The following TCEA1 variants were observed in gnomAD, a reference collection of about 807,000 sequenced individuals.
TCEA1 encodes the protein transcription elongation factor A protein 1.
Under a neutral mutation model 43.8 loss-of-function variants are expected in TCEA1, and 21 were observed. The observed-to-expected ratio is 0.48, with a 90% CI of 0.34 to 0.69. The LOEUF (loss-of-function observed/expected upper bound fraction) is 0.69. Ranked by LOEUF, TCEA1 falls within the 30% of genes least tolerant of loss-of-function variation. The pLI, the probability that TCEA1 is intolerant of heterozygous loss-of-function variation, is 0.01. For synonymous variants in TCEA1, 104 were observed against 117.5 expected (o/e 0.88, Z 0.75); for missense variants, 250 against 365.1 (o/e 0.68, Z 2.57).
At chr8:54,000,248 A>T (rs1489197398) in intron 2 of TCEA1, among the ~76,000 whole-genome samples, 198 bp from the exon 3 acceptor site, 1 of 152,200 alleles carries the variant, frequency 6.6e-6, no homozygotes, top group Non-Finnish European at 1.5e-5. Context: ...TAATGTTCTT[A>T]TCATCAAGAT....
chr8:53,987,519 G>A (rs1281741274), intron 5 of TCEA1, among the ~76,000 whole-genome samples: 1 of 152,130 alleles, frequency 6.6e-6, no homozygotes, highest in African/African-American at 2.4e-5. Flanking sequence ...AAGTAGAAAG[G>A]GCAGAGTAAG....
chr8:53,994,820 G>A (rs1416334873), intron 3 of TCEA1, among the ~76,000 whole-genome samples: 2 of 151,252 alleles, frequency 1.3e-5, no homozygotes, highest in African/African-American at 2.4e-5. Context: ...GCAGTGAGCC[G>A]AGATCATACC....
Position 53,991,698 on chromosome 8 carries a change from A to AAAT in TCEA1, c.320+1967_320+1969dup, listed in dbSNP as rs970053713. 9.9e-5 allele frequency among the ~76,000 whole-genome samples: 15 copies of AAAT among 151,518 alleles called. No individual in the cohort carries two copies. The South Asian group carries it at 1.0e-3, about 10-fold the overall frequency. On this transcript the variant is annotated intron_variant, in intron 4 of 9. Transcript: ENST00000521604. ...AACAAGAGTGAAACTCTGTCTCAAA[A>AAAT]AATAATAATAATAATAATAAAATAA...
At chr8:53,973,596 G>A in intron 8 of TCEA1, 2 of 564,486 alleles carry the variant, frequency 3.5e-6, no homozygotes, top group South Asian at 1.5e-5. Context: ...GGATGAGGAG[G>A]AGGAAAGTAA....
At chr8:54,002,210 G>A (rs1354774930) in intron 2 of TCEA1, among the ~76,000 whole-genome samples, 5 of 150,728 alleles carry the variant, frequency 3.3e-5, no homozygotes, top group African/African-American at 9.8e-5. Context: ...GGTGGCTCAC[G>A]CCTGTAATCC....
intron 2 of TCEA1, among the ~76,000 whole-genome samples, chr8:54,008,172 C>CAAAAAAA (rs777634895): frequency 7.1e-5 from 3 of 42,332 alleles, no homozygotes; most frequent in African/African-American, 1.0e-4. Flanking sequence ...AACTGTGTCT[C>CAAAAAAA]AAAAAAAAAA....
At chr8:54,001,302 A>T (rs1256965953) in intron 2 of TCEA1, among the ~76,000 whole-genome samples, 1 of 152,220 alleles carries the variant, frequency 6.6e-6, no homozygotes, top group Non-Finnish European at 1.5e-5. Context: ...GAGACACCCT[A>T]TTGTAAGCTT....
At chr8:53,990,227 C>T (rs1423250555) in intron 4 of TCEA1, among the ~76,000 whole-genome samples, 9 of 151,490 alleles carry the variant, frequency 5.9e-5, no homozygotes, top group Admixed American at 2.0e-4. Context: ...AACAAACAAA[C>T]CTTTTTTTTT....
At position 53,999,926 on chromosome 8, in the gene TCEA1, A is replaced by C; in HGVS notation, c.232+19T>G. ...AAATCACAACATCATAAATATATGT[A>C]AGGGAAGATCAATGATACCTAATAA... On this transcript the variant is annotated intron_variant, in intron 3 of 9. Transcript: ENST00000521604. 7.2e-7 allele frequency: 1 copy of C among 1,395,748 alleles called. No homozygotes were observed. The highest frequency in any genetic ancestry group is 1.0e-6 in the Non-Finnish European group (1 of 994,832). The allele number at this position is 1,395,748 out of a possible 1,614,324, so 86.5% of individuals were successfully genotyped here. A position where few individuals can be genotyped will look rare whatever the true frequency, so the allele number is the denominator to read the frequency against.
intron 2 of TCEA1, among the ~76,000 whole-genome samples, chr8:54,006,546 GA>G (rs1804466885): frequency 6.6e-6 from 1 of 152,120 alleles, no homozygotes. Flanking sequence ...GGAAGCACAG[GA>G]AAAAATTAGA....
chr8:53,976,454 CA>C (rs1803335631), intron 8 of TCEA1, among the ~76,000 whole-genome samples: 2 of 152,266 alleles, frequency 1.3e-5, no homozygotes, highest in African/African-American at 4.8e-5. Context: ...ACGTAGTAAT[CA>C]AGAGTTACAC....
At chr8:54,016,844 C>T (rs1291530008) in intron 1 of TCEA1, among the ~76,000 whole-genome samples, 1 of 150,822 alleles carries the variant, frequency 6.6e-6, no homozygotes, top group Non-Finnish European at 1.5e-5. Flanking sequence ...TGTGGTGGTG[C>T]GCGCCTATAG....
In TCEA1 at chr8:53,979,078, T is replaced by A. The variant is rs1803427663; in HGVS notation, c.772A>T (p.Thr258Ser). Residue 258 changes from threonine (T) to serine (S), a missense_variant, in exon 8 of 10, where the codon ACT (threonine) becomes TCT (serine). By Grantham distance (58) the Thr-to-Ser change is moderately conservative. Around this residue, in one of 4 missense-constraint regions of TCEA1, gnomAD observed 46 missense variants for 109.8 expected, o/e 0.42. Transcript: ENST00000521604. ...CATTTGCCACATGTGAACAAGTCAG[T>A]CTGGGTCCCACCAGTCTTGGCCATC... ...HQMAKTGGTQ[T>S]DLFTCGKCKK... is the part of the protein sequence containing the mutation. 6.2e-7 allele frequency: 1 copy of A among 1,613,804 alleles called. No individual in the cohort carries two copies.
chr8:54,001,829 T>C (rs982507539), intron 2 of TCEA1, among the ~76,000 whole-genome samples: 1 of 152,012 alleles, frequency 6.6e-6, no homozygotes, highest in African/African-American at 2.4e-5. Flanking sequence ...TGCTTATCTA[T>C]GGAAGAGATT....
intron 1 of TCEA1, chr8:54,021,770 G>GAA (rs1805041112): frequency 3.3e-6 from 1 of 301,520 alleles, no homozygotes; most frequent in Non-Finnish European, 6.0e-6. Context: ...TTACTAGCAC[G>GAA]AAAGTTTAAA....
At chr8:54,013,007 T>C (rs1035692593) in intron 1 of TCEA1, among the ~76,000 whole-genome samples, 18 of 151,152 alleles carry the variant, frequency 1.2e-4, no homozygotes, top group African/African-American at 3.7e-4. Flanking sequence ...GTATTCTCCA[T>C]TTACCATTGA....
At chr8:53,997,405 G>A (rs1241371775) in intron 3 of TCEA1, among the ~76,000 whole-genome samples, 1 of 152,096 alleles carries the variant, frequency 6.6e-6, no homozygotes, top group Non-Finnish European at 1.5e-5. Context: ...CCACAGAATG[G>A]CTATTAGCTA....
chr8:54,006,873 T>G (rs1804483700), intron 2 of TCEA1, among the ~76,000 whole-genome samples: 1 of 152,200 alleles, frequency 6.6e-6, no homozygotes. Context: ...AGTCTTGCTC[T>G]GTTGCCCAGG....
chr8:54,019,334 CCAGGA>C (rs1326071953), intron 1 of TCEA1, among the ~76,000 whole-genome samples: 2 of 152,028 alleles, frequency 1.3e-5, no homozygotes, highest in African/African-American at 2.4e-5. Flanking sequence ...CTCTGGGAGG[CCAGGA>C]CGGGCAGATC....
Sources: gnomAD v4.1 joint callset for allele counts (sites outside exome capture counted in the v4.1 genomes callset) on GRCh38, gnomAD v4.1.1 for gene constraint, gnomAD v4.1.1 regional missense constraint, MANE v1.5 for transcripts, NCBI Gene and HGNC (gene_info 2026-07-23, HGNC 2026-07-21) for gene names.